ZNF385D: variants seen among roughly 807,000 people sequenced by gnomAD.
The protein encoded by ZNF385D is zinc finger protein 385D.
Under a neutral mutation model 35.8 loss-of-function variants are expected in ZNF385D, and 15 were observed. The observed-to-expected ratio is 0.42, with a 90% CI of 0.28 to 0.64. The LOEUF (loss-of-function observed/expected upper bound fraction) is 0.64, where lower values mean the gene tolerates loss of function less well. Among genes scored for constraint, ZNF385D ranks in the 30% least tolerant of loss-of-function variants. The probability of loss-of-function intolerance (pLI) is 0.23; values close to 1 mark genes in which losing one functional copy is unlikely to be tolerated. For synonymous variants in ZNF385D, 212 were observed against 186.8 expected, an observed-to-expected ratio of 1.13 and a Z score of -1.10; for missense variants, 474 against 494.6, an observed-to-expected ratio of 0.96 and a Z score of 0.39.
intron 3 of ZNF385D, among the ~76,000 whole-genome samples, chr3:21,893,514 T>A (rs1698987489): frequency 6.6e-6 from 1 of 152,186 alleles, no homozygotes. Context: ...AAAGGCTACT[T>A]AACTAGCCTT....
intron 3 of ZNF385D, among the ~76,000 whole-genome samples, chr3:21,814,087 T>A (rs951885675): frequency 6.6e-6 from 1 of 152,148 alleles, no homozygotes; most frequent in Non-Finnish European, 1.5e-5. Flanking sequence ...GAATTTCATA[T>A]CCAGCCAAAC....
intron 3 of ZNF385D, among the ~76,000 whole-genome samples, chr3:21,996,510 G>T (rs951486713): frequency 6.6e-6 from 1 of 151,834 alleles, no homozygotes; most frequent in African/African-American, 2.4e-5. Flanking sequence ...ATAAATGACG[G>T]GTGCCATCTA....
chr3:21,958,190 C>T (rs1458296823), intron 3 of ZNF385D, among the ~76,000 whole-genome samples: 12 of 152,006 alleles, frequency 7.9e-5, no homozygotes, highest in Non-Finnish European at 1.5e-4. Context: ...ATCGTTTCTA[C>T]CTAAGAATAT....
At chr3:21,832,576 G>T (rs992770393) in intron 3 of ZNF385D, among the ~76,000 whole-genome samples, 1 of 152,150 alleles carries the variant, frequency 6.6e-6, no homozygotes, top group Non-Finnish European at 1.5e-5. Flanking sequence ...GGTCACGGCT[G>T]CTCCAGACAA....
chr3:22,060,505 T>C (rs1344556323), intron 3 of ZNF385D, among the ~76,000 whole-genome samples: 2 of 152,216 alleles, frequency 1.3e-5, no homozygotes, highest in East Asian at 3.8e-4. Context: ...AAACCATTAC[T>C]TTGTCAATAA....
In ZNF385D at chr3:22,008,251, G is replaced by A. The variant is rs564643472; in HGVS notation, c.325+160566C>T. Among the ~76,000 whole-genome samples the A allele has an allele frequency of 2.1e-4, 32 of 152,054 alleles. No homozygotes were observed. The Middle Eastern group carries it at 0.01, about 49-fold the overall frequency. Reference sequence around the variant, plus strand: ...TACACACTTGTCATCAAAGGGAGATGACAAGGAAATATGCTTTTACTGGCT... The same window carrying A: ...TACACACTTGTCATCAAAGGGAGATAACAAGGAAATATGCTTTTACTGGCT... On this transcript the variant is annotated intron_variant, in intron 3 of 5. Coordinates refer to the ZNF385D transcript ENST00000494108.
At chr3:21,788,728 C>G (rs1484861338) in intron 3 of ZNF385D, among the ~76,000 whole-genome samples, 1 of 152,180 alleles carries the variant, frequency 6.6e-6, no homozygotes, top group African/African-American at 2.4e-5. Context: ...TGCTCTTCCT[C>G]TCCACTGTAA....
At chr3:21,427,172 G>C (rs1020643696) in intron 5 of ZNF385D, among the ~76,000 whole-genome samples, 1 of 152,136 alleles carries the variant, frequency 6.6e-6, no homozygotes, top group African/African-American at 2.4e-5. Context: ...GGGAGCTGAA[G>C]ATGACATAAG....
At chr3:22,004,792 TG>T (rs1448360933) in intron 3 of ZNF385D, among the ~76,000 whole-genome samples, 1 of 152,162 alleles carries the variant, frequency 6.6e-6, no homozygotes. Flanking sequence ...ACCTATTACC[TG>T]GAAGTCCCTT....
At chr3:21,872,555 T>G (rs1697748553) in intron 3 of ZNF385D, among the ~76,000 whole-genome samples, 1 of 152,132 alleles carries the variant, frequency 6.6e-6, no homozygotes, top group African/African-American at 2.4e-5. Flanking sequence ...TCTAGAAGTC[T>G]TTGAATTAGA....
At chr3:21,829,181 C>G (rs1254652959) in intron 3 of ZNF385D, among the ~76,000 whole-genome samples, 1 of 152,088 alleles carries the variant, frequency 6.6e-6, no homozygotes, top group Non-Finnish European at 1.5e-5. Flanking sequence ...AATATGTAAA[C>G]AAATTAATTG....
At chr3:22,285,681 C>A (rs555536361) in intron 2 of ZNF385D, among the ~76,000 whole-genome samples, 6 of 152,166 alleles carry the variant, frequency 3.9e-5, no homozygotes, top group Middle Eastern at 3.4e-3. Flanking sequence ...CTCCCTCCCC[C>A]CTCTCCCCAC....
At chr3:21,781,358 T>C (rs868632535) in intron 3 of ZNF385D, among the ~76,000 whole-genome samples, 1 of 151,976 alleles carries the variant, frequency 6.6e-6, no homozygotes, top group Non-Finnish European at 1.5e-5. Flanking sequence ...CTACAATGTA[T>C]AAAATATATA....
chr3:22,154,474 C>A (rs544959928), intron 3 of ZNF385D, among the ~76,000 whole-genome samples: 3 of 152,198 alleles, frequency 2.0e-5, no homozygotes. Flanking sequence ...AATTCCTCCT[C>A]TCTGCCAGAA....
At chr3:22,009,885 G>A (rs904875232) in intron 3 of ZNF385D, among the ~76,000 whole-genome samples, 6 of 151,358 alleles carry the variant, frequency 4.0e-5, no homozygotes, top group Admixed American at 3.9e-4. Flanking sequence ...TAAGCCTATA[G>A]TTCATAAAAA....
chr3:21,651,562 GA>G lies in ZNF385D; in HGVS notation c.165+13323del, dbSNP rs2065915478. Among the ~76,000 whole-genome samples the G allele has an allele frequency of 2.0e-5, 3 of 151,040 alleles. No individual in the cohort carries two copies. In the East Asian group the frequency reaches 5.9e-4, roughly 29 times the overall value. The stretch of plus-strand genomic sequence containing the variant: ...TTTTCTTTTTGGTAGTGACGGTGGT[GA>G]AGAATGGTTTCTCAAAGTCATTGTG... On this transcript the variant is annotated intron_variant, in intron 2 of 7. Coordinates refer to ENST00000281523, the MANE Select transcript of ZNF385D (RefSeq NM_024697.3).
intron 3 of ZNF385D, among the ~76,000 whole-genome samples, chr3:21,796,855 G>T (rs986064030): frequency 6.6e-6 from 1 of 152,132 alleles, no homozygotes; most frequent in Non-Finnish European, 1.5e-5. Flanking sequence ...AGTCCACAAG[G>T]CACTGGTAAC....
At chr3:21,678,109 T>C (rs966901803) in intron 1 of ZNF385D, among the ~76,000 whole-genome samples, 1 of 152,004 alleles carries the variant, frequency 6.6e-6, no homozygotes, top group African/African-American at 2.4e-5. Flanking sequence ...ACCCTCAACA[T>C]TAGGGCATCC....
intron 3 of ZNF385D, among the ~76,000 whole-genome samples, chr3:22,086,409 A>T (rs1458699924): frequency 6.6e-6 from 1 of 151,840 alleles, no homozygotes; most frequent in Non-Finnish European, 1.5e-5. Flanking sequence ...TACACCAATA[A>T]CAGACAGAGA....
Sources: gnomAD v4.1 joint callset for allele counts (sites outside exome capture counted in the v4.1 genomes callset) on GRCh38, gnomAD v4.1.1 for gene constraint, MANE v1.5 for transcripts, NCBI Gene and HGNC (gene_info 2026-07-23, HGNC 2026-07-21) for gene names.